PAIP1: variants seen among roughly 807,000 people sequenced by gnomAD.
PAIP1 encodes the protein poly(A) binding protein interacting protein 1.
Under a neutral mutation model 61.3 loss-of-function variants are expected in PAIP1, and 16 were observed. The ratio of observed to expected loss-of-function variants is 0.26; its 90% CI spans 0.18 to 0.40. The LOEUF (loss-of-function observed/expected upper bound fraction) is 0.40. PAIP1 is among the 10% of genes least tolerant of loss of function. PAIP1 has a pLI of 1.00. For synonymous variants in PAIP1, 187 were observed against 226.2 expected (o/e 0.83, Z 1.56); for missense variants, 416 against 600.9 (o/e 0.69, Z 3.22).
intron 10 of PAIP1, among the ~76,000 whole-genome samples, chr5:43,528,855 A>T (rs1489794776): frequency 6.6e-6 from 1 of 152,182 alleles, no homozygotes; most frequent in African/African-American, 2.4e-5. Flanking sequence ...ATTGGTACTA[A>T]ACCTCACAAT....
chr5:43,535,824 G>T (rs1349252842), intron 6 of PAIP1, among the ~76,000 whole-genome samples, 184 bp from the exon 7 acceptor site: 1 of 151,916 alleles, frequency 6.6e-6, no homozygotes, highest in Non-Finnish European at 1.5e-5. Context: ...TCTCTTGACT[G>T]AGAGAAACTA....
intron 2 of PAIP1, among the ~76,000 whole-genome samples, chr5:43,550,456 C>T (rs773144508): frequency 6.6e-6 from 1 of 151,980 alleles, no homozygotes; most frequent in Non-Finnish European, 1.5e-5. Context: ...TAAAAAGCAT[C>T]CAAAATGAAT....
At chr5:43,553,066 T>TC (rs1445495976) in intron 2 of PAIP1, among the ~76,000 whole-genome samples, 1 of 151,456 alleles carries the variant, frequency 6.6e-6, no homozygotes, top group Non-Finnish European at 1.5e-5. Flanking sequence ...AAAGCTCGTT[T>TC]TTTTGCAGGG....
At chr5:43,539,105 T>C (rs1185891571) in intron 4 of PAIP1, 70 bp from the exon 5 acceptor site, 11 of 1,018,660 alleles carry the variant, frequency 1.1e-5, no homozygotes, top group Non-Finnish European at 1.7e-5. Context: ...AAATAACCAT[T>C]TGTCAGTTTG....
intron 2 of PAIP1, among the ~76,000 whole-genome samples, chr5:43,555,131 CAG>C (rs1748011710): frequency 6.6e-6 from 1 of 152,172 alleles, no homozygotes. Flanking sequence ...TGGAAGGAGA[CAG>C]AGTGGGTTTT....
chr5:43,537,216 G>C (rs1304135434), intron 5 of PAIP1, among the ~76,000 whole-genome samples: 1 of 152,076 alleles, frequency 6.6e-6, no homozygotes, highest in Non-Finnish European at 1.5e-5. Context: ...GCTTTCTTTA[G>C]TTTGTTCAAC....
At chr5:43,544,197 T>C (rs1747540978) in intron 3 of PAIP1, among the ~76,000 whole-genome samples, 1 of 142,132 alleles carries the variant, frequency 7.0e-6, no homozygotes. Flanking sequence ...GCCACAAATG[T>C]AATTGAACAT....
intron 2 of PAIP1, among the ~76,000 whole-genome samples, chr5:43,548,694 A>G (rs780279455): frequency 3.3e-5 from 5 of 152,240 alleles, no homozygotes; most frequent in Non-Finnish European, 5.9e-5. Flanking sequence ...TCACATCTCA[A>G]TGCCTGGAAT....
chr5:43,534,855 T>A lies in PAIP1; in HGVS notation c.1195A>T (p.Met399Leu), dbSNP rs771110275. The change falls in exon 8 of 11, where the codon ATG becomes TTG. Residue 399 changes from methionine (M) to leucine (L), a missense_variant and splice_region_variant. Physicochemically the swap from Met to Leu is conservative, Grantham distance 15 (BLOSUM62 2). Coordinates refer to ENST00000306846, the MANE Select transcript of PAIP1 (RefSeq NM_006451.5). ...TTAAAATATAAACACTGGCATACCA[T>A]AAAGTAGTTAGGATCATTTTCTGGT... Reference protein sequence around the residue: ...ATPENDPNYFMNEPTFYTSDG... With the variant: ...ATPENDPNYFLNEPTFYTSDG... 3 of 1,445,532 alleles carry A rather than the reference T, an allele frequency of 2.1e-6. No homozygotes were observed. The South Asian group carries it at 3.4e-5, about 17-fold the overall frequency. The allele number at this position is 1,445,532 out of a possible 1,614,324, so 89.5% of individuals were successfully genotyped here.
In PAIP1 at chr5:43,543,310, C is replaced by CAAAAAAA. The variant is rs11427976; in HGVS notation, c.622-201_622-195dup. On this transcript the variant is annotated intron_variant, in intron 3 of 10. Coordinates refer to ENST00000306846, the MANE Select transcript of PAIP1 (RefSeq NM_006451.5). ...CTTACAGCAAGAACCACAATAAGTA[C>CAAAAAAA]AAAAAAAAAAAAAAAAAGAAAAAAC... Among the ~76,000 whole-genome samples, 6 of 96,032 alleles carry CAAAAAAA rather than the reference C, an allele frequency of 6.2e-5. 1 individual carries two copies. The highest frequency in any genetic ancestry group is 1.0e-4 in the African/African-American group (2 of 19,502). The allele number at this position is 96,032 out of a possible 152,430, so 63.0% of individuals were successfully genotyped here. A position where few individuals can be genotyped will look rare whatever the true frequency, so the allele number is the denominator to read the frequency against.
rs752862459 is a variant in PAIP1, at chr5:43,539,048, ATATCTTT to A, written c.735-20_735-14del. Reference sequence around the variant, plus strand: ...TTCAGTCCGACATCTAATTAAAGACATATCTTTTATAATCTCACATTGCTTTGCTTTT... The same window carrying A: ...TTCAGTCCGACATCTAATTAAAGACATATAATCTCACATTGCTTTGCTTTT... On this transcript the variant is annotated splice_polypyrimidine_tract_variant and intron_variant, in intron 4 of 10. Coordinates refer to ENST00000306846, the MANE Select transcript of PAIP1 (RefSeq NM_006451.5). 62 of 1,456,214 alleles carry A rather than the reference ATATCTTT, an allele frequency of 4.3e-5. No individual in the cohort carries two copies. The highest frequency in any genetic ancestry group is 5.2e-5 in the Non-Finnish European group (54 of 1,037,646). 90.2% of individuals were successfully genotyped at this position (1,456,214 alleles called of 1,614,324 possible).
chr5:43,538,805 CCTCT>C (rs1457553807), intron 5 of PAIP1, 115 bp downstream of exon 5: 2 of 625,720 alleles, frequency 3.2e-6, no homozygotes, highest in East Asian at 2.7e-5. Context: ...TGTTTTCTTT[CCTCT>C]CTCTTTCATT....
chr5:43,548,647 G>C (rs898028472), intron 2 of PAIP1, among the ~76,000 whole-genome samples: 1 of 152,140 alleles, frequency 6.6e-6, no homozygotes, highest in Non-Finnish European at 1.5e-5. Context: ...CTGAGTGGGC[G>C]AGTTTTACAA....
Position 43,538,929 on chromosome 5 carries a change from G to A in PAIP1, c.841C>T (p.Leu281=), listed in dbSNP as rs1489049655. Reference sequence around the variant, plus strand: ...ACAAAAGAAAAACTTCTCACCTCCAGGTTAAGATAAAGTTCTCCCAGAAAG... The same window carrying A: ...ACAAAAGAAAAACTTCTCACCTCCAAGTTAAGATAAAGTTCTCCCAGAAAG... ...VLFLGELYLN[L]EIKGTNGQVT... is the part of the protein sequence containing the mutation. Residue 281 remains leucine (L), a synonymous_variant, in exon 5 of 11, where the codon CTG becomes TTG. Coordinates refer to ENST00000306846, the MANE Select transcript of PAIP1 (RefSeq NM_006451.5). 2 of 1,580,102 alleles carry A rather than the reference G, an allele frequency of 1.3e-6. No individual in the cohort carries two copies. The highest frequency in any genetic ancestry group is 8.7e-7 in the Non-Finnish European group (1 of 1,150,872).
chr5:43,551,055 G>A (rs564936843), intron 2 of PAIP1, among the ~76,000 whole-genome samples: 3 of 152,208 alleles, frequency 2.0e-5, no homozygotes, highest in African/African-American at 7.2e-5. Flanking sequence ...TAACTAATGA[G>A]GTCAATGAGG....
intron 3 of PAIP1, among the ~76,000 whole-genome samples, chr5:43,546,210 C>T (rs532294055): frequency 1.5e-3 from 224 of 152,312 alleles, no homozygotes; most frequent in African/African-American, 5.2e-3. Context: ...ATTAAACATA[C>T]TGACTACATA....
chr5:43,548,308 G>C (rs1287699195), intron 2 of PAIP1, among the ~76,000 whole-genome samples: 1 of 151,936 alleles, frequency 6.6e-6, no homozygotes, highest in Admixed American at 6.5e-5. Flanking sequence ...AAACAAGAAC[G>C]GCCACATGTA....
chr5:43,547,500 C>G (rs1340527247), intron 3 of PAIP1, among the ~76,000 whole-genome samples: 1 of 152,252 alleles, frequency 6.6e-6, no homozygotes. Flanking sequence ...TGAATATTAC[C>G]TATATTGAAT....
In PAIP1 at chr5:43,536,802, T is replaced by TAAAAA. The variant is rs35862047; in HGVS notation, c.972+12_972+16dup. On this transcript the variant is annotated intron_variant, in intron 6 of 10. Transcript: ENST00000306846. ...AAGTAAATACGTAAATTAGTTAAAT[T>TAAAAA]AAAAAAAAAAACCTACCTTTAACAA... The TAAAAA allele has an allele frequency of 1.8e-6, 2 of 1,113,754 alleles. No individual in the cohort carries two copies. Among genetic ancestry groups the TAAAAA allele is most frequent in the Non-Finnish European group, 2.5e-6 (2 of 795,368 alleles). 69.0% of individuals were successfully genotyped at this position (1,113,754 alleles called of 1,614,324 possible). A position where few individuals can be genotyped will look rare whatever the true frequency, so the allele number is the denominator to read the frequency against.
Sources: gnomAD v4.1 joint callset for allele counts (sites outside exome capture counted in the v4.1 genomes callset) on GRCh38, gnomAD v4.1.1 for gene constraint, MANE v1.5 for transcripts, NCBI Gene and HGNC (gene_info 2026-07-23, HGNC 2026-07-21) for gene names.